The following SLC14A2 variants were observed in gnomAD, a reference collection of about 807,000 sequenced individuals.
The protein encoded by SLC14A2 is solute carrier family 14 member 2.
Under a neutral mutation model 104.6 loss-of-function variants are expected in SLC14A2, and 91 were observed. The observed-to-expected ratio is 0.87, with a 90% confidence interval of 0.73 to 1.04. The LOEUF (loss-of-function observed/expected upper bound fraction) is 1.04, where lower values mean the gene tolerates loss of function less well. SLC14A2 is among the 50% of genes least tolerant of loss of function. SLC14A2 has a pLI of 0.00. For synonymous variants in SLC14A2, 476 were observed against 466.4 expected, an observed-to-expected ratio of 1.02 and a Z score of -0.27; for missense variants, 1,189 against 1,156.0, an observed-to-expected ratio of 1.03 and a Z score of -0.41.
chr18:45,199,427 T>C, the SLC14A2 span, among the ~76,000 whole-genome samples: 2 of 152,182 alleles, frequency 1.3e-5, no homozygotes, highest in Non-Finnish European at 2.9e-5. Flanking sequence ...TTTTAAATCA[T>C]GTTTTCTGTC....
chr18:45,394,198 T>C (rs1981507280), intron 1 of SLC14A2, among the ~76,000 whole-genome samples: 3 of 152,226 alleles, frequency 2.0e-5, no homozygotes, highest in Admixed American at 2.0e-4. Context: ...CTTTCAATCC[T>C]CACCTCTATG....
intron 2 of SLC14A2, among the ~76,000 whole-genome samples, chr18:45,586,357 G>A: frequency 6.6e-6 from 1 of 152,310 alleles, no homozygotes; most frequent in Non-Finnish European, 1.5e-5. Context: ...AGGAGTGGGG[G>A]AGGAGAGGAG....
chr18:45,603,439 T>C (rs1473344665), intron 2 of SLC14A2, among the ~76,000 whole-genome samples: 1 of 152,076 alleles, frequency 6.6e-6, no homozygotes, highest in Non-Finnish European at 1.5e-5. Flanking sequence ...ACTGTATTTA[T>C]TGGGGTCTCT....
intron 2 of SLC14A2, among the ~76,000 whole-genome samples, chr18:45,567,473 G>A (rs2044283334): frequency 6.6e-6 from 1 of 152,230 alleles, no homozygotes; most frequent in Non-Finnish European, 1.5e-5. Flanking sequence ...CTTGAGCAAA[G>A]GGAAGCTTCT....
intron 10 of SLC14A2, among the ~76,000 whole-genome samples, chr18:45,656,152 CA>C (rs1413697085): frequency 5.3e-5 from 8 of 152,210 alleles, no homozygotes; most frequent in African/African-American, 1.9e-4. Flanking sequence ...GCCTCAACTT[CA>C]AAAGGTGTAG....
At chr18:45,604,164 T>C (rs552975408) in intron 2 of SLC14A2, among the ~76,000 whole-genome samples, 41 of 152,314 alleles carry the variant, frequency 2.7e-4, no homozygotes, top group African/African-American at 9.4e-4. Context: ...CCGTGGTTTA[T>C]TGACTGAGTT....
Position 45,682,759 on chromosome 18 carries a change from T to C in SLC14A2, c.*240T>C. On this transcript the variant is annotated 3_prime_UTR_variant, in exon 20 of 20. Coordinates refer to ENST00000255226, the MANE Select transcript of SLC14A2 (RefSeq NM_007163.4). ...AGCTTTCCCATAAGAGCTCCCTTTG[T>C]GGGGAACTTGCCCTCTTCTGCGAAA... 1 of 463,944 alleles carries C rather than the reference T, an allele frequency of 2.2e-6. No individual in the cohort carries two copies. Among genetic ancestry groups the C allele is most frequent in the Non-Finnish European group, 4.0e-6 (1 of 251,718 alleles). The allele number at this position is 463,944 out of a possible 1,614,324, so 28.7% of individuals were successfully genotyped here.
At chr18:45,217,447 G>T (rs1458305317) in intron 1 of SLC14A2, among the ~76,000 whole-genome samples, 1 of 151,966 alleles carries the variant, frequency 6.6e-6, no homozygotes, top group Non-Finnish European at 1.5e-5. Context: ...GCCACAGTGG[G>T]TTAGAACAGT....
intron 4 of SLC14A2, among the ~76,000 whole-genome samples, chr18:45,630,641 A>G (rs2045328876): frequency 6.6e-6 from 1 of 152,212 alleles, no homozygotes; most frequent in Non-Finnish European, 1.5e-5. Context: ...TTAAAACAAA[A>G]AAAGCACTAA....
At chr18:45,280,950 T>C (rs1242319995) in intron 1 of SLC14A2, among the ~76,000 whole-genome samples, 4 of 152,048 alleles carry the variant, frequency 2.6e-5, no homozygotes, top group Non-Finnish European at 5.9e-5. Flanking sequence ...AAAGAATTCC[T>C]GTGCAGGCTT....
chr18:45,271,147 A>T (rs2084646967), intron 1 of SLC14A2, among the ~76,000 whole-genome samples: 1 of 152,150 alleles, frequency 6.6e-6, no homozygotes, highest in Non-Finnish European at 1.5e-5. Flanking sequence ...CTTGAAAATC[A>T]AGTGACATTT....
intron 2 of SLC14A2, among the ~76,000 whole-genome samples, chr18:45,516,448 T>C (rs1049217721): frequency 1.3e-5 from 2 of 152,196 alleles, no homozygotes; most frequent in Non-Finnish European, 2.9e-5. Flanking sequence ...AGGAAGGTCC[T>C]AGACAGATCT....
chr18:45,640,754 C>T (rs1175609599), intron 7 of SLC14A2, among the ~76,000 whole-genome samples: 1 of 152,014 alleles, frequency 6.6e-6, no homozygotes, highest in East Asian at 1.9e-4. Flanking sequence ...CCAGATGTAC[C>T]CACTGTTCAC....
intron 1 of SLC14A2, among the ~76,000 whole-genome samples, chr18:45,410,486 T>G (rs1359567238): frequency 6.6e-6 from 1 of 152,172 alleles, no homozygotes; most frequent in Non-Finnish European, 1.5e-5. Flanking sequence ...ATAAACTCTC[T>G]CTTAAAATGT....
At position 45,298,609 on chromosome 18, in the gene SLC14A2, T is replaced by C. The variant is rs558131463; in HGVS notation, c.-125+85418T>C. The stretch of plus-strand genomic sequence containing the variant: ...GATTAGTAAACCTGATCAAAGACCA[T>C]CTGTCTACTGGCTTTCAACTGAGGT... On this transcript the variant is annotated intron_variant, in intron 1 of 20. Transcript: ENST00000586448. Among the ~76,000 whole-genome samples the C allele has an allele frequency of 5.3e-5, 8 of 152,340 alleles. No individual in the cohort carries two copies. In the East Asian group the frequency reaches 1.5e-3, roughly 29 times the overall value.
chr18:45,548,751 A>C (rs540086117), intron 2 of SLC14A2, among the ~76,000 whole-genome samples: 3 of 152,332 alleles, frequency 2.0e-5, no homozygotes, highest in African/African-American at 4.8e-5. Context: ...ATCAGAGTTC[A>C]TCCCTCCCCA....
Position 45,661,759 on chromosome 18 carries a change from T to A in SLC14A2, c.1352-2026T>A, listed in dbSNP as rs115654922. Among the ~76,000 whole-genome samples, 1,242 of 152,346 alleles carry A rather than the reference T, an allele frequency of 8.2e-3. 9 individuals are homozygous for A. The highest frequency in any genetic ancestry group is 0.028 in the African/African-American group (1,180 of 41,586). On this transcript the variant is annotated intron_variant, in intron 10 of 19. Coordinates refer to ENST00000255226, the MANE Select transcript of SLC14A2 (RefSeq NM_007163.4). ...AGACATGCTCTGGGGAATGGCACTA[T>A]GGGAGAACGCCCCACTTGGTCAGGT...
At chr18:45,679,050 GC>G in intron 19 of SLC14A2, 26 bp downstream of exon 19, 1 of 1,608,364 alleles carries the variant, frequency 6.2e-7, no homozygotes, top group Non-Finnish European at 8.5e-7. Context: ...CTCAGAACGT[GC>G]CTACAACATC....
rs549297899 is a variant in SLC14A2, at chr18:45,555,904, G to A, written c.-34-68727G>A. 1.8e-4 allele frequency among the ~76,000 whole-genome samples: 27 copies of A among 152,278 alleles called. No homozygotes were observed. The South Asian group carries it at 2.9e-3, about 16-fold the overall frequency. ...CAGACTGCCTGCCCAATTCCACATC[G>A]TTGGCATTGCATTGGAGTGTGCAGG... is the stretch of plus-strand genomic sequence containing the variant. On this transcript the variant is annotated intron_variant, in intron 2 of 20. Transcript: ENST00000586448.
Sources: allele counts gnomAD v4.1 joint callset (sites outside exome capture counted in the v4.1 genomes callset), GRCh38; gene constraint gnomAD v4.1.1; transcripts MANE v1.5; gene names NCBI Gene and HGNC (gene_info 2026-07-23, HGNC 2026-07-21).